The following ARMC8 variants were observed in gnomAD, a reference collection of about 807,000 sequenced individuals.
ARMC8 encodes armadillo repeat-containing protein 8.
Under a neutral mutation model 99.3 loss-of-function variants are expected in ARMC8, and 20 were observed. The observed-to-expected ratio is 0.20, with a 90% CI of 0.14 to 0.29. ARMC8 has a LOEUF of 0.29. Ranked by LOEUF, ARMC8 falls within the 10% of genes least tolerant of loss-of-function variation. ARMC8 has a pLI of 1.00. For missense variants in ARMC8, 569 were observed against 809.5 expected (o/e 0.70, Z 3.60); for synonymous variants, 263 against 278.3 (o/e 0.95, Z 0.55).
intron 1 of ARMC8, among the ~76,000 whole-genome samples, chr3:138,199,489 C>T (rs146451883): frequency 6.6e-6 from 1 of 152,070 alleles, no homozygotes; most frequent in African/African-American, 2.4e-5. Context: ...TTTTTTGTTC[C>T]AAGTAGAGGC....
At chr3:138,281,215 T>TGG (rs1371676377) in intron 18 of ARMC8, among the ~76,000 whole-genome samples, 1 of 151,980 alleles carries the variant, frequency 6.6e-6, no homozygotes, top group Non-Finnish European at 1.5e-5. Flanking sequence ...ATTAATGGTG[T>TGG]GGGTGTGTGT....
At chr3:138,200,242 TTAAGTAACGGTATGTTTG>T (rs2043976228) in intron 1 of ARMC8, among the ~76,000 whole-genome samples, 2 of 152,340 alleles carry the variant, frequency 1.3e-5, no homozygotes, top group African/African-American at 4.8e-5. Flanking sequence ...CCAGAAGTAA[TTAAGTAACGGTATGTTTG>T]TAAATATACA....
In ARMC8 at chr3:138,201,436, C is replaced by CTT. The variant is rs58707271; in HGVS notation, c.46-8341_46-8340dup. Among the ~76,000 whole-genome samples, 26 of 64,992 alleles carry CTT rather than the reference C, an allele frequency of 4.0e-4. 8 individuals are homozygous for CTT. The highest frequency in any genetic ancestry group is 9.4e-4 in the East Asian group (2 of 2,126). The allele number at this position is 64,992 out of a possible 152,430, so 42.6% of individuals were successfully genotyped here. A position where few individuals can be genotyped will look rare whatever the true frequency, so the allele number is the denominator to read the frequency against. On this transcript the variant is annotated intron_variant, in intron 1 of 21. Transcript: ENST00000469044. ...TAGAGTCCTTGTCTTCTTCCCCTCC[C>CTT]TTTTTTTTTTTTTTTTTTTTTTTTT...
intron 2 of ARMC8, among the ~76,000 whole-genome samples, chr3:138,210,789 A>AAAGCCT (rs1298327984): frequency 2.0e-5 from 3 of 152,004 alleles, no homozygotes; most frequent in South Asian, 2.1e-4. Context: ...GTTTCTTCGG[A>AAAGCCT]CTGCAGTTCT....
intron 12 of ARMC8, among the ~76,000 whole-genome samples, chr3:138,258,277 A>G (rs952925633): frequency 1.3e-5 from 2 of 152,168 alleles, no homozygotes; most frequent in Non-Finnish European, 2.9e-5. Context: ...AGTTGAAGCT[A>G]AAGTCCAAGC....
At chr3:138,190,187 G>T (rs1041768469) in intron 1 of ARMC8, among the ~76,000 whole-genome samples, 1 of 151,722 alleles carries the variant, frequency 6.6e-6, no homozygotes, top group African/African-American at 2.4e-5. Flanking sequence ...TCTTCCTACA[G>T]CCGCTCCTCG....
intron 18 of ARMC8, 102 bp from the exon 19 acceptor site, chr3:138,284,329 G>T (rs2108358327): frequency 1.3e-6 from 1 of 796,638 alleles, no homozygotes; most frequent in East Asian, 2.4e-5. Context: ...GAACCTGTGA[G>T]AATCCATGTA....
At position 138,196,735 on chromosome 3, in the gene ARMC8, C is replaced by T. The variant is rs544493644; in HGVS notation, c.45+9136C>T. Reference sequence around the variant, plus strand: ...AAAAAAAATTAGCCAGGTGTGGTGGCGCACACCTGTAATCCCAGCTACTTG... The same window carrying T: ...AAAAAAAATTAGCCAGGTGTGGTGGTGCACACCTGTAATCCCAGCTACTTG... On this transcript the variant is annotated intron_variant, in intron 1 of 21. Coordinates refer to ENST00000469044, the MANE Select transcript of ARMC8 (RefSeq NM_001363941.2). 7.0e-4 allele frequency among the ~76,000 whole-genome samples: 106 copies of T among 152,090 alleles called. 1 individual carries two copies. The highest frequency in any genetic ancestry group is 9.2e-4 in the African/African-American group (38 of 41,498).
intron 15 of ARMC8, among the ~76,000 whole-genome samples, chr3:138,267,791 C>T (rs1217092744): frequency 2.0e-5 from 3 of 151,850 alleles, no homozygotes; most frequent in Non-Finnish European, 4.4e-5. Context: ...AGGGGAAAAC[C>T]TTATACAGTT....
At chr3:138,192,901 C>T (rs1252489657) in intron 1 of ARMC8, among the ~76,000 whole-genome samples, 1 of 152,068 alleles carries the variant, frequency 6.6e-6, no homozygotes, top group Non-Finnish European at 1.5e-5. Context: ...TGTCCTTTTG[C>T]CCACTTTCTA....
intron 12 of ARMC8, among the ~76,000 whole-genome samples, chr3:138,254,621 CTAAACTT>C (rs1308386692): frequency 3.3e-5 from 5 of 152,136 alleles, no homozygotes; most frequent in Non-Finnish European, 7.3e-5. Context: ...AAGCTAATGA[CTAAACTT>C]TATGAAATTG....
intron 1 of ARMC8, among the ~76,000 whole-genome samples, chr3:138,208,087 T>C (rs2044476839): frequency 9.4e-6 from 1 of 106,218 alleles, no homozygotes; most frequent in Non-Finnish European, 2.1e-5. Flanking sequence ...ACGGCATCTC[T>C]GTTTTTTTTT....
At chr3:138,211,885 T>C (rs180837776) in intron 2 of ARMC8, among the ~76,000 whole-genome samples, 2 of 152,240 alleles carry the variant, frequency 1.3e-5, no homozygotes, top group Admixed American at 6.5e-5. Flanking sequence ...TTAGTTGTTA[T>C]TAGCTCCAAT....
At chr3:138,208,196 A>G (rs1251709875) in intron 1 of ARMC8, among the ~76,000 whole-genome samples, 2 of 152,106 alleles carry the variant, frequency 1.3e-5, no homozygotes, top group Non-Finnish European at 2.9e-5. Context: ...GGCTGGGCAC[A>G]GTGGCTCATG....
chr3:138,229,178 A>ATATATATATATATATGTATATG (rs1576686064), intron 6 of ARMC8, 168 bp downstream of exon 6: 14 of 32,092 alleles, frequency 4.4e-4, no homozygotes, highest in Middle Eastern at 0.012. Context: ...ATATATATAT[A>ATATATATATATATATGTATATG]TATATGTATA....
intron 21 of ARMC8, among the ~76,000 whole-genome samples, chr3:138,290,966 T>C (rs2050883236): frequency 6.6e-6 from 1 of 152,186 alleles, no homozygotes; most frequent in Non-Finnish European, 1.5e-5. Context: ...AAACCAGTAA[T>C]GCAAACATTC....
intron 1 of ARMC8, among the ~76,000 whole-genome samples, chr3:138,198,170 CTT>C (rs1284006566): frequency 6.6e-6 from 1 of 151,902 alleles, no homozygotes; most frequent in Non-Finnish European, 1.5e-5. Flanking sequence ...AACCCTGTCT[CTT>C]GGGGGCAAAA....
Position 138,228,638 on chromosome 3 carries a change from G to T in ARMC8, c.436-280G>T. 3 of 469,766 alleles carry T rather than the reference G, an allele frequency of 6.4e-6. No homozygotes were observed. In the Admixed American group the frequency reaches 7.3e-5, roughly 11 times the overall value. 29.1% of individuals were successfully genotyped at this position (469,766 alleles called of 1,614,324 possible). A position where few individuals can be genotyped will look rare whatever the true frequency, so the allele number is the denominator to read the frequency against. On this transcript the variant is annotated intron_variant, in intron 5 of 21. Coordinates refer to ENST00000469044, the MANE Select transcript of ARMC8 (RefSeq NM_001363941.2). ...GATTTCTGTCACTTCTTATTGAAATGATTTTATCATGAGGATGTAGGCAAT... is the reference window on the plus strand; with the variant it reads ...GATTTCTGTCACTTCTTATTGAAATTATTTTATCATGAGGATGTAGGCAAT...
chr3:138,240,899 A>G (rs1039720369), intron 10 of ARMC8, among the ~76,000 whole-genome samples: 5 of 152,136 alleles, frequency 3.3e-5, no homozygotes, highest in African/African-American at 1.2e-4. Context: ...AAAAATAAAA[A>G]ATTAGCCAGG....
Sources: gnomAD v4.1 joint callset for allele counts (sites outside exome capture counted in the v4.1 genomes callset) on GRCh38, gnomAD v4.1.1 for gene constraint, MANE v1.5 for transcripts, NCBI Gene and HGNC (gene_info 2026-07-23, HGNC 2026-07-21) for gene names.